The following PHF14 variants were observed in gnomAD, a reference collection of about 807,000 sequenced individuals.
PHF14 encodes PHD finger protein 14.
Under a neutral mutation model 117.9 loss-of-function variants are expected in PHF14, and 55 were observed. The observed-to-expected ratio is 0.47, with a 90% CI of 0.38 to 0.58. The LOEUF (loss-of-function observed/expected upper bound fraction) is 0.58, where lower values mean the gene tolerates loss of function less well. Among genes scored for constraint, PHF14 ranks in the 20% least tolerant of loss-of-function variants. PHF14 has a pLI of 0.00. For synonymous variants in PHF14, 409 were observed against 368.6 expected (o/e 1.11, Z -1.26); for missense variants, 978 against 1,122.2 (o/e 0.87, Z 1.84).
chr7:11,083,012 C>G (rs1253470329), intron 16 of PHF14, among the ~76,000 whole-genome samples: 2 of 152,176 alleles, frequency 1.3e-5, no homozygotes, highest in Non-Finnish European at 2.9e-5. Context: ...AGCTCTCTAG[C>G]TTATCACAGA....
intron 17 of PHF14, among the ~76,000 whole-genome samples, chr7:11,115,618 C>G (rs927543092): frequency 1.3e-5 from 2 of 151,934 alleles, no homozygotes; most frequent in African/African-American, 4.8e-5. Context: ...TCAGCCAGAT[C>G]AGGAAGTTAA....
At chr7:11,059,689 G>T (rs1258309889) in intron 14 of PHF14, among the ~76,000 whole-genome samples, 10 of 151,976 alleles carry the variant, frequency 6.6e-5, no homozygotes, top group Admixed American at 6.6e-4. Context: ...TGTGAGAATC[G>T]CTTGAACCTG....
chr7:11,118,496 C>T (rs1787660328), intron 17 of PHF14, among the ~76,000 whole-genome samples: 1 of 151,670 alleles, frequency 6.6e-6, no homozygotes, highest in Non-Finnish European at 1.5e-5. Context: ...TTAACAATCC[C>T]ACTAATTATA....
chr7:10,995,121 C>G (rs1782589938), intron 4 of PHF14, among the ~76,000 whole-genome samples: 2 of 152,216 alleles, frequency 1.3e-5, no homozygotes, highest in African/African-American at 2.4e-5. Context: ...TTGAGCTAGA[C>G]ACAGGGTGCA....
In PHF14 at chr7:11,022,797, TTA is replaced by T. The variant is rs1783780644; in HGVS notation, c.1206-67_1206-66del. ...GTAGTATTTTGAGATGGCAAGCGTT[TTA>T]TATGTTTGTTTTGTGTGTGGGAATT... On this transcript the variant is annotated intron_variant, in intron 5 of 17. Coordinates refer to ENST00000634607, the MANE Select transcript of PHF14 (RefSeq NM_001007157.2). 15 of 784,122 alleles carry T rather than the reference TTA, an allele frequency of 1.9e-5. No individual in the cohort carries two copies. The South Asian group carries it at 3.0e-4, about 16-fold the overall frequency. 48.6% of individuals were successfully genotyped at this position (784,122 alleles called of 1,614,324 possible).
At chr7:10,979,794 T>C (rs1054495302) in intron 2 of PHF14, among the ~76,000 whole-genome samples, 16 of 152,110 alleles carry the variant, frequency 1.1e-4, no homozygotes, top group South Asian at 2.1e-4. Flanking sequence ...AGATAAGATT[T>C]GATGTATTGC....
At chr7:11,115,868 A>G (rs970211020) in intron 17 of PHF14, among the ~76,000 whole-genome samples, 1 of 151,986 alleles carries the variant, frequency 6.6e-6, no homozygotes, top group East Asian at 1.9e-4. Flanking sequence ...GCATTTTTCA[A>G]ATATTTTCTT....
chr7:11,082,714 C>G (rs949651653), intron 16 of PHF14, among the ~76,000 whole-genome samples: 1 of 152,184 alleles, frequency 6.6e-6, no homozygotes, highest in Non-Finnish European at 1.5e-5. Flanking sequence ...CCATTTCCTT[C>G]TTTATCACAC....
chr7:10,978,704 A>G (rs1016848000), intron 2 of PHF14, among the ~76,000 whole-genome samples: 2 of 152,150 alleles, frequency 1.3e-5, no homozygotes, highest in East Asian at 1.9e-4. Context: ...CTTTTCCTCT[A>G]CTAGATGCCA....
chr7:11,078,494 C>G (rs1785953881), intron 16 of PHF14, among the ~76,000 whole-genome samples: 1 of 152,090 alleles, frequency 6.6e-6, no homozygotes, highest in Non-Finnish European at 1.5e-5. Flanking sequence ...TTTTCTCATT[C>G]ATAGAATGAG....
chr7:11,109,607 A>G (rs1157846334), intron 16 of PHF14: 9 of 151,870 alleles, frequency 5.9e-5, no homozygotes, highest in Admixed American at 5.9e-4. Context: ...ATTTTGGCTA[A>G]TGAAAGGTAA....
intron 4 of PHF14, among the ~76,000 whole-genome samples, chr7:10,991,164 C>T (rs934674835): frequency 2.0e-5 from 3 of 151,152 alleles, no homozygotes; most frequent in East Asian, 1.9e-4. Flanking sequence ...TTTTTGTGTT[C>T]TTTTTTATTT....
intron 6 of PHF14, 40 bp downstream of exon 6, chr7:11,023,019 G>C (rs780217729): frequency 4.6e-5 from 51 of 1,107,980 alleles, no homozygotes; most frequent in Non-Finnish European, 6.5e-5. Context: ...AAAGAGAAAG[G>C]TTTTACTTGT....
chr7:11,093,048 G>T (rs1050191192), intron 16 of PHF14, among the ~76,000 whole-genome samples: 20 of 152,162 alleles, frequency 1.3e-4, no homozygotes, highest in Admixed American at 7.2e-4. Context: ...GTCCTGCCAA[G>T]CAAAACTAGC....
intron 16 of PHF14, among the ~76,000 whole-genome samples, chr7:11,077,487 G>A (rs1340802352): frequency 6.6e-6 from 1 of 151,102 alleles, no homozygotes; most frequent in Admixed American, 6.6e-5. Context: ...TGTAGTCCCA[G>A]CTACTCAGGA....
At chr7:11,042,939 A>G (rs966400876) in intron 13 of PHF14, 125 bp downstream of exon 13, 10 of 647,520 alleles carry the variant, frequency 1.5e-5, no homozygotes, top group Non-Finnish European at 2.1e-5. Flanking sequence ...ACTGTCATCA[A>G]TATTTATTAT....
intron 6 of PHF14, among the ~76,000 whole-genome samples, chr7:11,027,942 C>T (rs1230855906): frequency 1.3e-5 from 2 of 152,084 alleles, no homozygotes; most frequent in African/African-American, 4.8e-5. Context: ...TTAATTTCCT[C>T]ATGTGTAAAA....
intron 2 of PHF14, among the ~76,000 whole-genome samples, chr7:10,981,569 C>T (rs888488608): frequency 2.6e-5 from 4 of 152,128 alleles, no homozygotes; most frequent in African/African-American, 9.7e-5. Flanking sequence ...TGTCTTCAGC[C>T]TAACTTTTTA....
intron 17 of PHF14, among the ~76,000 whole-genome samples, chr7:11,126,570 G>C (rs1787935075): frequency 6.6e-6 from 1 of 151,876 alleles, no homozygotes; most frequent in Non-Finnish European, 1.5e-5. Context: ...TTATTTAGCT[G>C]TTTCAAAATC....
Sources: gnomAD v4.1 joint callset for allele counts (sites outside exome capture counted in the v4.1 genomes callset) on GRCh38, gnomAD v4.1.1 for gene constraint, MANE v1.5 for transcripts, NCBI Gene and HGNC (gene_info 2026-07-23, HGNC 2026-07-21) for gene names.